Variants in IL31RA observed in about 807,000 individuals in gnomAD.
The protein encoded by IL31RA is interleukin-31 receptor subunit alpha.
In IL31RA, 66 loss-of-function variants were observed where a neutral mutation model predicts 83.7. That is an observed-to-expected ratio of 0.79 (90% confidence interval 0.65 to 0.97). IL31RA has a LOEUF of 0.97. IL31RA is among the 50% of genes least tolerant of loss of function. IL31RA has a pLI of 0.00. For synonymous variants in IL31RA, 325 were observed against 329.0 expected (o/e 0.99, Z 0.13); for missense variants, 798 against 919.4 (o/e 0.87, Z 1.71).
In IL31RA at chr5:55,872,335, G is replaced by C; in HGVS notation, c.338G>C (p.Cys113Ser). ...NSSTSENRASCSFFLPRITIP... is the reference protein window; with the variant it reads ...NSSTSENRASSSFFLPRITIP... ...TCTACAAGTGAAAATCGTGCTTCGTGCTCTTTTTTCCTTCCAAGAATAACG... is the reference window on the plus strand; with the variant it reads ...TCTACAAGTGAAAATCGTGCTTCGTCCTCTTTTTTCCTTCCAAGAATAACG... The change falls in exon 4 of 15, where the codon TGC (cysteine) becomes TCC (serine). Residue 113 changes from cysteine to serine, a missense_variant. Transcript: ENST00000652347. 6.2e-7 allele frequency: 1 copy of C among 1,613,178 alleles called. No individual in the cohort carries two copies. Among genetic ancestry groups the C allele is most frequent in the Non-Finnish European group, 8.5e-7 (1 of 1,179,284 alleles).
chr5:55,904,063 C>G (rs1748984394), intron 8 of IL31RA, among the ~76,000 whole-genome samples: 1 of 152,206 alleles, frequency 6.6e-6, no homozygotes, highest in Admixed American at 6.5e-5. Flanking sequence ...TCTTGTGTGT[C>G]TCTGTTTCCA....
chr5:55,897,477 C>G (rs936620362), intron 7 of IL31RA, among the ~76,000 whole-genome samples: 1 of 152,186 alleles, frequency 6.6e-6, no homozygotes, highest in African/African-American at 2.4e-5. Flanking sequence ...CGGAACCCCC[C>G]TCCCCACCCA....
rs75518911 is a variant in IL31RA, at chr5:55,913,975, C to T, written c.1736+405C>T. On this transcript the variant is annotated intron_variant, in intron 13 of 14. Transcript: ENST00000652347. ...GGCAGAGCGGGGAGCAGTGTCTCCA[C>T]GGTGTTGGAGTGCTGGCCAGTCGTC... is the stretch of plus-strand genomic sequence containing the variant. Among the ~76,000 whole-genome samples the T allele has an allele frequency of 2.6e-3, 399 of 152,342 alleles. 1 individual carries two copies. The highest frequency in any genetic ancestry group is 9.3e-3 in the African/African-American group (386 of 41,576).
chr5:55,905,118 T>G (rs1229120790), intron 8 of IL31RA, among the ~76,000 whole-genome samples: 1 of 150,984 alleles, frequency 6.6e-6, no homozygotes, highest in Non-Finnish European at 1.5e-5. Flanking sequence ...CAAGAATCAC[T>G]TGAACCCAGG....
At chr5:55,896,954 C>CT (rs1354572962) in intron 7 of IL31RA, among the ~76,000 whole-genome samples, 2 of 48,940 alleles carry the variant, frequency 4.1e-5, no homozygotes, top group South Asian at 1.8e-3. Context: ...GTAGCTGGGA[C>CT]TACAGAAGTG....
In IL31RA at chr5:55,872,452, G is replaced by T; in HGVS notation, c.454+1G>T. ...ACATACTGGAGATTAGAGAACATAGGTAAGTGTTATTTGATACTCTTATAT... is the reference window on the plus strand; with the variant it reads ...ACATACTGGAGATTAGAGAACATAGTTAAGTGTTATTTGATACTCTTATAT... On this transcript the variant is annotated splice_donor_variant, in intron 4 of 14. Transcript: ENST00000652347. LOFTEE classifies it high-confidence loss of function. The T allele has an allele frequency of 6.3e-7, 1 of 1,583,650 alleles. No homozygotes were observed. Among genetic ancestry groups the T allele is most frequent in the South Asian group, 1.1e-5 (1 of 90,464 alleles).
In IL31RA at chr5:55,901,140, G is replaced by A. The variant is rs575034179; in HGVS notation, c.1069+1008G>A. Among the ~76,000 whole-genome samples, 8 of 152,110 alleles carry A rather than the reference G, an allele frequency of 5.3e-5. No individual in the cohort carries two copies. In the South Asian group the frequency reaches 6.2e-4, roughly 12 times the overall value. On this transcript the variant is annotated intron_variant, in intron 8 of 14. Coordinates refer to ENST00000652347, the MANE Select transcript of IL31RA (RefSeq NM_139017.7). ...ATAATTCCTAGATATTTATATTTTT[G>A]TATTTTGAGCTACACTTGATATTAT...
intron 4 of IL31RA, among the ~76,000 whole-genome samples, chr5:55,881,566 GCGC>G (rs767436147): frequency 1.3e-5 from 2 of 151,972 alleles, no homozygotes; most frequent in Non-Finnish European, 2.9e-5. Context: ...AGGTGAGCAT[GCGC>G]AGTGTATTTA....
intron 1 of IL31RA, among the ~76,000 whole-genome samples, chr5:55,853,973 G>A (rs1745206866): frequency 6.6e-6 from 1 of 152,198 alleles, no homozygotes; most frequent in Non-Finnish European, 1.5e-5. Context: ...TTTGGAATAA[G>A]ACAGTCGTGA....
chr5:55,894,803 G>A (rs1274312153), intron 6 of IL31RA, among the ~76,000 whole-genome samples: 5 of 152,072 alleles, frequency 3.3e-5, no homozygotes, highest in African/African-American at 1.2e-4. Context: ...CACAATCTCC[G>A]CTTCCCGGGT....
At chr5:55,857,584 G>A (rs1745435530) in intron 1 of IL31RA, among the ~76,000 whole-genome samples, 1 of 152,108 alleles carries the variant, frequency 6.6e-6, no homozygotes, top group African/African-American at 2.4e-5. Context: ...TTTCACTATT[G>A]TAACTATACT....
At position 55,922,558 on chromosome 5, in the gene IL31RA, T is replaced by C; in HGVS notation, c.*5438T>C. On this transcript the variant is annotated 3_prime_UTR_variant, in exon 15 of 15. Transcript: ENST00000652347. ...GAACCATCTCTGAAGACTGGGTATG[T>C]GGTCTTTTCCACACATGGACCACCT... is the stretch of plus-strand genomic sequence containing the variant. 1.3e-6 allele frequency: 1 copy of C among 779,750 alleles called. No individual in the cohort carries two copies. The highest frequency in any genetic ancestry group is 2.1e-6 in the Non-Finnish European group (1 of 477,114). 48.3% of individuals were successfully genotyped at this position (779,750 alleles called of 1,614,324 possible).
chr5:55,906,810 G>A (rs951943638), intron 9 of IL31RA, among the ~76,000 whole-genome samples: 3 of 152,166 alleles, frequency 2.0e-5, no homozygotes, highest in African/African-American at 7.2e-5. Context: ...CAAGGATGGA[G>A]TGCAGTGGCA....
chr5:55,859,519 A>C lies in IL31RA; in HGVS notation c.74A>C (p.Gln25Pro). ...CECPQNILSP[Q>P]PSCVNLGMMW... is the part of the protein sequence containing the mutation. ...TGATGTCATTTTCAGCTCTCTCCCC[A>C]GCCTTCATGTGTTAACCTGGGGATG... is the stretch of plus-strand genomic sequence containing the variant. The change falls in exon 2 of 15, where the codon CAG (glutamine) becomes CCG (proline). Residue 25 changes from glutamine (Q) to proline (P), a missense_variant. Transcript: ENST00000652347. 1 of 1,613,778 alleles carries C rather than the reference A, an allele frequency of 6.2e-7. No homozygotes were observed. Among genetic ancestry groups the C allele is most frequent in the Non-Finnish European group, 8.5e-7 (1 of 1,179,654 alleles).
chr5:55,847,231 A>T (rs1317765777), upstream of IL31RA, among the ~76,000 whole-genome samples: 1 of 41,622 alleles, frequency 2.4e-5, no homozygotes, highest in Non-Finnish European at 5.2e-5. Context: ...CAACAGAAAA[A>T]AAAAAAAAAA....
upstream of IL31RA, among the ~76,000 whole-genome samples, chr5:55,850,389 A>T (rs186916913): frequency 6.6e-6 from 1 of 152,018 alleles, no homozygotes; most frequent in South Asian, 2.1e-4. Context: ...CTTTTCTTCT[A>T]TCTTCTGGAA....
At chr5:55,884,463 C>T (rs1266358902) in intron 5 of IL31RA, among the ~76,000 whole-genome samples, 1 of 152,142 alleles carries the variant, frequency 6.6e-6, no homozygotes, top group Admixed American at 6.5e-5. Flanking sequence ...TAGACAGGGT[C>T]TCACTCTGTT....
At chr5:55,849,823 G>A (rs112001339), upstream of IL31RA, among the ~76,000 whole-genome samples, 4 of 152,114 alleles carry the variant, frequency 2.6e-5, no homozygotes, top group African/African-American at 7.2e-5. Flanking sequence ...GTTTTTGGGA[G>A]CCCATTTTTC....
chr5:55,908,998 C>A, intron 11 of IL31RA: 1 of 634,454 alleles, frequency 1.6e-6, no homozygotes, highest in Non-Finnish European at 2.0e-6. Flanking sequence ...CAGAACTCTT[C>A]TATTTCTGCC....
Sources: allele counts gnomAD v4.1 joint callset (sites outside exome capture counted in the v4.1 genomes callset), GRCh38; gene constraint gnomAD v4.1.1; transcripts MANE v1.5; gene names NCBI Gene and HGNC (gene_info 2026-07-23, HGNC 2026-07-21).